Variants in SMYD3 observed in about 807,000 individuals in gnomAD.
SMYD3 encodes histone-lysine N-methyltransferase SMYD3.
SMYD3 carries 36 observed loss-of-function variants against 57.7 expected under a neutral mutation model. The observed-to-expected ratio is 0.62, with a 90% CI of 0.48 to 0.82. The LOEUF (loss-of-function observed/expected upper bound fraction) is 0.82. Among genes scored for constraint, SMYD3 ranks in the 40% least tolerant of loss-of-function variants. The pLI is 0.00. For missense variants in SMYD3, 515 were observed against 538.8 expected (o/e 0.96, Z 0.44); for synonymous variants, 211 against 195.0 (o/e 1.08, Z -0.68).
chr1:246,186,117 T>C (rs1308288767), intron 5 of SMYD3, among the ~76,000 whole-genome samples: 1 of 152,224 alleles, frequency 6.6e-6, no homozygotes, highest in Non-Finnish European at 1.5e-5. Context: ...GGTTTTTTAC[T>C]GTATTGTTAA....
In SMYD3 at chr1:245,976,975, CCGGCCCAGGGAAAGCCA is replaced by C. The variant is rs2058450986; in HGVS notation, c.532-47055_532-47039del. 6.0e-5 allele frequency among the ~76,000 whole-genome samples: 3 copies of C among 50,094 alleles called. 1 individual carries two copies. The highest frequency in any genetic ancestry group is 8.8e-5 in the Non-Finnish European group (2 of 22,840). The allele number at this position is 50,094 out of a possible 152,430, so 32.9% of individuals were successfully genotyped here. A position where few individuals can be genotyped will look rare whatever the true frequency, so the allele number is the denominator to read the frequency against. ...TCTAGCCTAGGGAAAGCCATCGTCT[CCGGCCCAGGGAAAGCCA>C]TCGTCTCTAGCCCAGGGAAAGCCAT... On this transcript the variant is annotated intron_variant, in intron 5 of 11. Coordinates refer to ENST00000490107, the MANE Select transcript of SMYD3 (RefSeq NM_001167740.2).
At chr1:246,242,913 T>C (rs1418441474) in intron 5 of SMYD3, among the ~76,000 whole-genome samples, 3 of 152,144 alleles carry the variant, frequency 2.0e-5, no homozygotes, top group Non-Finnish European at 4.4e-5. Context: ...ATCCTAAATA[T>C]ATATATGCAC....
At chr1:246,349,885 C>T (rs577158234) in intron 2 of SMYD3, among the ~76,000 whole-genome samples, 1 of 152,036 alleles carries the variant, frequency 6.6e-6, no homozygotes, top group Non-Finnish European at 1.5e-5. Context: ...ACAAGGGCAA[C>T]AAATAGAAAA....
chr1:246,129,466 G>A (rs1329260204), intron 5 of SMYD3, among the ~76,000 whole-genome samples: 1 of 151,522 alleles, frequency 6.6e-6, no homozygotes, highest in African/African-American at 2.4e-5. Context: ...GCTTTTTTGT[G>A]AGAGTTTCTA....
At position 245,817,250 on chromosome 1, in the gene SMYD3, A is replaced by G. The variant is rs922609688; in HGVS notation, c.1076+41246T>C. ...GTGGGTCCCTGACCCCTGACCCCCGAGCAGCCTAACTGGGAGGCACCCCCC... is the reference window on the plus strand; with the variant it reads ...GTGGGTCCCTGACCCCTGACCCCCGGGCAGCCTAACTGGGAGGCACCCCCC... On this transcript the variant is annotated intron_variant, in intron 10 of 11. Transcript: ENST00000490107. Among the ~76,000 whole-genome samples the G allele has an allele frequency of 2.1e-4, 30 of 144,628 alleles. 1 individual carries two copies. Among genetic ancestry groups the G allele is most frequent in the African/African-American group, 3.9e-4 (15 of 38,226 alleles). 94.9% of individuals were successfully genotyped at this position (144,628 alleles called of 152,430 possible).
chr1:246,319,240 A>T (rs2065209892), intron 5 of SMYD3, among the ~76,000 whole-genome samples: 1 of 152,192 alleles, frequency 6.6e-6, no homozygotes, highest in African/African-American at 2.4e-5. Context: ...TTAACACCAG[A>T]AGAGAAGTAT....
At chr1:246,245,127 T>TTC (rs1319431357) in intron 5 of SMYD3, among the ~76,000 whole-genome samples, 1 of 143,166 alleles carries the variant, frequency 7.0e-6, no homozygotes, top group East Asian at 3.2e-4. Context: ...TGCCTTTTTT[T>TTC]TTTTTTTTTT....
At chr1:246,085,396 TGAG>T (rs72433679) in intron 5 of SMYD3, among the ~76,000 whole-genome samples, 4,902 of 152,196 alleles carry the variant, frequency 0.032, 269 homozygotes, top group East Asian at 0.23. Context: ...CTGAAGGATT[TGAG>T]AAAACAGACC....
intron 5 of SMYD3, among the ~76,000 whole-genome samples, chr1:246,190,081 G>C (rs2062708268): frequency 6.6e-6 from 1 of 152,110 alleles, no homozygotes; most frequent in Non-Finnish European, 1.5e-5. Flanking sequence ...GGTAATACAG[G>C]CTAGTCGTCC....
At chr1:245,980,677 G>A (rs922837447) in intron 5 of SMYD3, among the ~76,000 whole-genome samples, 2 of 152,232 alleles carry the variant, frequency 1.3e-5, no homozygotes, top group Admixed American at 1.3e-4. Context: ...AAATGCAGCT[G>A]TCAGTAACTC....
intron 5 of SMYD3, among the ~76,000 whole-genome samples, chr1:246,265,599 T>G (rs1011643188): frequency 2.0e-4 from 30 of 152,130 alleles, no homozygotes; most frequent in African/African-American, 6.0e-4. Context: ...TATTGGGATA[T>G]TCACATGTCA....
At chr1:246,000,154 C>G (rs749467488) in intron 5 of SMYD3, among the ~76,000 whole-genome samples, 2 of 152,140 alleles carry the variant, frequency 1.3e-5, no homozygotes, top group East Asian at 3.9e-4. Flanking sequence ...ATAAATCATG[C>G]GGCTTGGGTT....
intron 1 of SMYD3, among the ~76,000 whole-genome samples, chr1:246,363,368 T>G (rs1572422540): frequency 1.4e-5 from 2 of 144,454 alleles, no homozygotes; most frequent in African/African-American, 2.6e-5. Flanking sequence ...CGGCCGCCCC[T>G]ACTGGGAAGT....
chr1:246,453,441 A>C (rs1395750113), intron 1 of SMYD3, among the ~76,000 whole-genome samples: 1 of 152,252 alleles, frequency 6.6e-6, no homozygotes, highest in Non-Finnish European at 1.5e-5. Flanking sequence ...TCTATATGTA[A>C]ACAATAAAAA....
chr1:246,088,490 G>A (rs1488731902), intron 5 of SMYD3, among the ~76,000 whole-genome samples: 3 of 130,352 alleles, frequency 2.3e-5, no homozygotes, highest in African/African-American at 3.7e-5. Flanking sequence ...GGCGCCTGTA[G>A]TCCCAGCTAC....
chr1:245,858,457 C>T (rs200007794), intron 10 of SMYD3, 39 bp downstream of exon 10: 27 of 1,565,644 alleles, frequency 1.7e-5, no homozygotes, highest in African/African-American at 2.7e-5. Context: ...AACGTGAAGA[C>T]GTCCTAGCCC....
intron 1 of SMYD3, among the ~76,000 whole-genome samples, chr1:246,488,416 G>C (rs1365820716): frequency 6.6e-6 from 1 of 152,204 alleles, no homozygotes; most frequent in Non-Finnish European, 1.5e-5. Flanking sequence ...TAGGCTGGGC[G>C]TGGTGGCTCA....
At chr1:246,053,484 G>GTGAGTC (rs1393867837) in intron 5 of SMYD3, among the ~76,000 whole-genome samples, 4 of 152,082 alleles carry the variant, frequency 2.6e-5, no homozygotes, top group Non-Finnish European at 2.9e-5. Context: ...GGATAGAATA[G>GTGAGTC]TGAGTCCAGA....
At chr1:246,363,326 G>A (rs368649137) in intron 1 of SMYD3, among the ~76,000 whole-genome samples, 19,499 of 148,706 alleles carry the variant, frequency 0.13, 754 homozygotes, top group East Asian at 0.26. Context: ...CCGGCCAGCC[G>A]CCCCATCCGG....
Sources: allele counts gnomAD v4.1 joint callset (sites outside exome capture counted in the v4.1 genomes callset), GRCh38; gene constraint gnomAD v4.1.1; transcripts MANE v1.5; gene names NCBI Gene and HGNC (gene_info 2026-07-23, HGNC 2026-07-21).